The following EFR3B variants were observed in gnomAD, a reference collection of about 807,000 sequenced individuals.
EFR3B encodes the protein EFR3 homolog B.
Under a neutral mutation model 104.7 loss-of-function variants are expected in EFR3B, and 64 were observed. The observed-to-expected ratio is 0.61, with a 90% CI of 0.50 to 0.75. EFR3B has a LOEUF of 0.75. Among genes scored for constraint, EFR3B ranks in the 30% least tolerant of loss-of-function variants. EFR3B has a pLI of 0.00. For synonymous variants in EFR3B, 385 were observed against 417.9 expected (o/e 0.92, Z 0.96); for missense variants, 750 against 1,078.5 (o/e 0.70, Z 4.27).
chr2:25,082,939 G>T (rs1668850027), intron 1 of EFR3B, among the ~76,000 whole-genome samples: 1 of 152,196 alleles, frequency 6.6e-6, no homozygotes, highest in Non-Finnish European at 1.5e-5. Flanking sequence ...GAGAGTGGGA[G>T]GTCAGAGGAC....
chr2:25,091,585 G>T (rs78313915), intron 2 of EFR3B, among the ~76,000 whole-genome samples, 184 bp downstream of exon 2: 1 of 152,212 alleles, frequency 6.6e-6, no homozygotes, highest in Non-Finnish European at 1.5e-5. Context: ...GTGAGAGGCC[G>T]CTAGGGACAT....
At chr2:25,127,191 CAAAAAA>C (rs57818903) in intron 5 of EFR3B, among the ~76,000 whole-genome samples, 3 of 51,736 alleles carry the variant, frequency 5.8e-5, no homozygotes, top group Non-Finnish European at 6.9e-5. Context: ...GACTCCACCT[CAAAAAA>C]AAAAAAAAAA....
intron 2 of EFR3B, 129 bp from the exon 3 acceptor site, chr2:25,092,874 A>G (rs1573197190): frequency 1.7e-6 from 2 of 1,198,214 alleles, no homozygotes; most frequent in African/African-American, 1.5e-5. Flanking sequence ...TGAAACCCAC[A>G]TGTGCTCCGG....
intron 4 of EFR3B, 146 bp downstream of exon 4, chr2:25,103,933 C>T (rs1669495651): frequency 7.8e-6 from 7 of 892,640 alleles, no homozygotes; most frequent in Non-Finnish European, 1.1e-5. Flanking sequence ...GTTTTAGGGT[C>T]TCCCTTTGTG....
At chr2:25,127,191 C>CA (rs57818903) in intron 5 of EFR3B, among the ~76,000 whole-genome samples, 2,106 of 50,816 alleles carry the variant, frequency 0.041, 23 homozygotes, top group Non-Finnish European at 0.053. Context: ...GACTCCACCT[C>CA]AAAAAAAAAA....
In EFR3B at chr2:25,131,325, C is replaced by A; in HGVS notation, c.850-43C>A. 1.3e-6 allele frequency: 2 copies of A among 1,541,728 alleles called. No homozygotes were observed. The highest frequency in any genetic ancestry group is 1.8e-6 in the Non-Finnish European group (2 of 1,140,950). ...GAGAGGGCTGCGCAGCCCAGGGACCCCGTGGGGTTGCTGTCCAGGCCCAGC... is the reference window on the plus strand; with the variant it reads ...GAGAGGGCTGCGCAGCCCAGGGACCACGTGGGGTTGCTGTCCAGGCCCAGC... On this transcript the variant is annotated intron_variant, in intron 8 of 22. Coordinates refer to ENST00000403714, the MANE Select transcript of EFR3B (RefSeq NM_014971.2). The surrounding 1 kb of genome is among the most constrained non-coding windows in gnomAD (Gnocchi z 7.6).
chr2:25,092,663 C>T (rs974497000), intron 2 of EFR3B, among the ~76,000 whole-genome samples: 2 of 151,884 alleles, frequency 1.3e-5, no homozygotes, highest in African/African-American at 4.8e-5. Context: ...ATTCTCCTGC[C>T]TCAGCCTCCT....
chr2:25,113,898 G>A (rs1669791973), intron 4 of EFR3B, among the ~76,000 whole-genome samples: 1 of 152,096 alleles, frequency 6.6e-6, no homozygotes, highest in Non-Finnish European at 1.5e-5. Flanking sequence ...CAGGGAAACT[G>A]AGGCACAAGG....
intron 1 of EFR3B, among the ~76,000 whole-genome samples, chr2:25,064,520 G>A (rs1188821756): frequency 6.6e-6 from 1 of 152,164 alleles, no homozygotes; most frequent in Non-Finnish European, 1.5e-5. Context: ...GTGTTGTAAA[G>A]CCCAAATCCT....
chr2:25,098,152 C>T (rs1365394494), intron 3 of EFR3B, among the ~76,000 whole-genome samples: 1 of 152,104 alleles, frequency 6.6e-6, no homozygotes, highest in Non-Finnish European at 1.5e-5. Context: ...GAGGTCAGCC[C>T]TCTCTCCCTA....
At chr2:25,046,391 AAAC>A (rs930217698) in intron 1 of EFR3B, among the ~76,000 whole-genome samples, 7 of 152,098 alleles carry the variant, frequency 4.6e-5, no homozygotes, top group African/African-American at 1.7e-4. Context: ...TCTCAAAACA[AAAC>A]AAAAAACCAC....
At position 25,104,418 on chromosome 2, in the gene EFR3B, G is replaced by A. The variant is rs896843135; in HGVS notation, c.363+631G>A. 1.5e-4 allele frequency among the ~76,000 whole-genome samples: 23 copies of A among 152,316 alleles called. 1 individual carries two copies. Among genetic ancestry groups the A allele is most frequent in the Non-Finnish European group, 2.8e-4 (19 of 68,032 alleles). ...GTGGTTTCAGTGTATTCACAAAGTT[G>A]TGCAACCATTAACACCATCTAATGT... On this transcript the variant is annotated intron_variant, in intron 4 of 22. Transcript: ENST00000403714.
chr2:25,105,045 C>T, intron 4 of EFR3B, among the ~76,000 whole-genome samples: 1 of 152,222 alleles, frequency 6.6e-6, no homozygotes, highest in Non-Finnish European at 1.5e-5. Flanking sequence ...CTTCATGCAG[C>T]TTAGATACAA....
chr2:25,054,303 T>C (rs1174269958), intron 1 of EFR3B, among the ~76,000 whole-genome samples: 1 of 152,108 alleles, frequency 6.6e-6, no homozygotes, highest in Admixed American at 6.6e-5. Context: ...TGAAAGGTGA[T>C]ATTATTACCA....
rs964780643 is a variant in EFR3B at position 25,130,219 on chromosome 2, C to T, written c.770+110C>T. On this transcript the variant is annotated intron_variant, in intron 7 of 22. Coordinates refer to ENST00000403714, the MANE Select transcript of EFR3B (RefSeq NM_014971.2). This position sits in a 1 kb window ranked among gnomAD's most constrained non-coding sequence, Gnocchi z 4.6. The stretch of plus-strand genomic sequence containing the variant: ...GAAGGGGATATTACAGTTGTGGTGC[C>T]GCAGCCGAGTCGATCCCTTCCCTGT... 5.0e-5 allele frequency: 73 copies of T among 1,463,630 alleles called. No homozygotes were observed. The highest frequency in any genetic ancestry group is 2.0e-4 in the African/African-American group (14 of 71,428). The allele number at this position is 1,463,630 out of a possible 1,614,324, so 90.7% of individuals were successfully genotyped here.
chr2:25,137,107 G>A lies in EFR3B; in HGVS notation c.1561-234G>A, dbSNP rs948937863. Among the ~76,000 whole-genome samples, 6 of 152,158 alleles carry A rather than the reference G, an allele frequency of 3.9e-5. No individual in the cohort carries two copies. Among genetic ancestry groups the A allele is most frequent in the African/African-American group, 1.4e-4 (6 of 41,430 alleles). ...GTGACTGTGTTCTGCTCCTACACCT[G>A]GATTTGGGCAGCAGCTTCTGGTGCT... On this transcript the variant is annotated intron_variant, in intron 14 of 22. Coordinates refer to ENST00000403714, the MANE Select transcript of EFR3B (RefSeq NM_014971.2). The surrounding 1 kb of genome is among the most constrained non-coding windows in gnomAD (Gnocchi z 4.7).
At chr2:25,099,632 G>A (rs191623804) in intron 3 of EFR3B, among the ~76,000 whole-genome samples, 1 of 151,900 alleles carries the variant, frequency 6.6e-6, no homozygotes, top group Admixed American at 6.6e-5. Context: ...TAGCTCAAAG[G>A]TAAGTAAGAA....
Position 25,131,024 on chromosome 2 carries a change from C to A in EFR3B, c.850-344C>A, listed in dbSNP as rs575825800. ...AATGGGCACCAGCCCAGGGGCCCCA[C>A]TTTAGGCAGCACTGGACTAAGCCAT... On this transcript the variant is annotated intron_variant, in intron 8 of 22. Coordinates refer to ENST00000403714, the MANE Select transcript of EFR3B (RefSeq NM_014971.2). The surrounding 1 kb of genome is among the most constrained non-coding windows in gnomAD (Gnocchi z 7.6). Among the ~76,000 whole-genome samples the A allele has an allele frequency of 1.3e-5, 2 of 152,202 alleles. No individual in the cohort carries two copies. The highest frequency in any genetic ancestry group is 3.9e-4 in the East Asian group (2 of 5,180).
Position 25,143,846 on chromosome 2 carries a change from C to T in EFR3B, c.2034C>T (p.Tyr678=), listed in dbSNP as rs369914667. ...GYNSDRLCLP[Y]IPQLTDEDRL... ...ACTCGGACCGGCTCTGCCTGCCCTA[C>T]ATTCCTCAGCTGACAGGTATGAGTT... is the stretch of plus-strand genomic sequence containing the variant. Residue 678 remains tyrosine, a synonymous_variant, in exon 18 of 23, where the codon TAC becomes TAT. Coordinates refer to ENST00000403714, the MANE Select transcript of EFR3B (RefSeq NM_014971.2). 1.3e-6 allele frequency: 2 copies of T among 1,551,502 alleles called. No homozygotes were observed. Among genetic ancestry groups the T allele is most frequent in the Admixed American group, 2.0e-5 (1 of 50,976 alleles).
Sources: allele counts gnomAD v4.1 joint callset (sites outside exome capture counted in the v4.1 genomes callset), GRCh38; gene constraint gnomAD v4.1.1; non-coding constraint Gnocchi (gnomAD v3.1); transcripts MANE v1.5; gene names NCBI Gene and HGNC (gene_info 2026-07-23, HGNC 2026-07-21).